Variants in THSD7B observed in about 807,000 individuals in gnomAD.
The protein encoded by THSD7B is thrombospondin type-1 domain-containing protein 7B.
Under a neutral mutation model 213.6 loss-of-function variants are expected in THSD7B, and 138 were observed. The ratio of observed to expected loss-of-function variants is 0.65; its 90% CI spans 0.56 to 0.74. The LOEUF is 0.74. Ranked by LOEUF, THSD7B falls within the 30% of genes least tolerant of loss-of-function variation. THSD7B has a pLI of 0.00. For missense variants in THSD7B, 1,931 were observed against 1,991.5 expected, an observed-to-expected ratio of 0.97 and a Z score of 0.58; for synonymous variants, 742 against 687.0, an observed-to-expected ratio of 1.08 and a Z score of -1.25.
At position 137,424,083 on chromosome 2, in the gene THSD7B, A is replaced by G. The variant is rs532396258; in HGVS notation, c.2959+12211A>G. Among the ~76,000 whole-genome samples, 4 of 150,642 alleles carry G rather than the reference A, an allele frequency of 2.7e-5. No homozygotes were observed. In the South Asian group the frequency reaches 8.5e-4, roughly 32 times the overall value. ...GAAGAAAGAATAATCTCTTTAACAA[A>G]TGGTGCTGGAACAACTGAATGTCTA... On this transcript the variant is annotated intron_variant, in intron 14 of 27. Transcript: ENST00000409968.
At chr2:137,671,385 A>T (rs1573779376) in intron 27 of THSD7B, among the ~76,000 whole-genome samples, 1 of 152,156 alleles carries the variant, frequency 6.6e-6, no homozygotes, top group Non-Finnish European at 1.5e-5. Flanking sequence ...AGGGCACTAT[A>T]TTAATCCATT....
intron 3 of THSD7B, among the ~76,000 whole-genome samples, chr2:137,072,747 A>T (rs1488488165): frequency 6.6e-6 from 1 of 152,168 alleles, no homozygotes; most frequent in East Asian, 1.9e-4. Context: ...GGTTTCTCAT[A>T]GATAGCTCTT....
chr2:137,285,619 C>G (rs1456857915), intron 12 of THSD7B, among the ~76,000 whole-genome samples: 1 of 147,982 alleles, frequency 6.8e-6, no homozygotes, highest in Non-Finnish European at 1.5e-5. Context: ...AATTAGAAAT[C>G]GGAACAAGTT....
chr2:137,238,564 T>TCC (rs1553481982), intron 9 of THSD7B, among the ~76,000 whole-genome samples: 13 of 83,408 alleles, frequency 1.6e-4, no homozygotes, highest in Admixed American at 6.9e-4. Context: ...TTTTTTTTTT[T>TCC]GAGACGGAGT....
intron 2 of THSD7B, among the ~76,000 whole-genome samples, chr2:136,986,243 A>T (rs988592075): frequency 6.6e-6 from 1 of 152,206 alleles, no homozygotes; most frequent in Admixed American, 6.5e-5. Flanking sequence ...TGAGAAGGAC[A>T]TTAGATTTGG....
chr2:137,462,395 G>T (rs981532871), intron 15 of THSD7B, among the ~76,000 whole-genome samples: 18 of 152,038 alleles, frequency 1.2e-4, no homozygotes, highest in African/African-American at 4.1e-4. Context: ...GAAGACACTT[G>T]CTGTGTGGGC....
chr2:137,362,952 C>T (rs1456358391), intron 12 of THSD7B, among the ~76,000 whole-genome samples: 3 of 152,180 alleles, frequency 2.0e-5, no homozygotes, highest in Non-Finnish European at 4.4e-5. Flanking sequence ...AGCACCACAT[C>T]TCACTTATTC....
chr2:137,380,989 G>A (rs957940880), intron 12 of THSD7B, among the ~76,000 whole-genome samples: 3 of 152,234 alleles, frequency 2.0e-5, no homozygotes, highest in Non-Finnish European at 4.4e-5. Flanking sequence ...CAGAGAGAGA[G>A]TAAAACCATG....
rs1440029892 is a variant in THSD7B at position 136,868,118 on chromosome 2, G to GCACA, written c.-35-14025_-35-14024insACAC. On this transcript the variant is annotated intron_variant, in intron 1 of 27. Transcript: ENST00000409968. ...CACCACACCACACACACACACGCGC[G>GCACA]CGCACACACACACACACACACACAT... Among the ~76,000 whole-genome samples, 57 of 137,994 alleles carry GCACA rather than the reference G, an allele frequency of 4.1e-4. No individual in the cohort carries two copies. The South Asian group carries it at 4.2e-3, about 10-fold the overall frequency. 90.5% of individuals were successfully genotyped at this position (137,994 alleles called of 152,430 possible).
chr2:137,343,483 A>G (rs1684807013), intron 12 of THSD7B, among the ~76,000 whole-genome samples: 1 of 151,702 alleles, frequency 6.6e-6, no homozygotes, highest in African/African-American at 2.4e-5. Context: ...GTCTGAGAGG[A>G]TAATTGTTTC....
At chr2:136,854,211 TAC>T (rs140785620) in intron 1 of THSD7B, among the ~76,000 whole-genome samples, 1 of 152,054 alleles carries the variant, frequency 6.6e-6, no homozygotes, top group African/African-American at 2.4e-5. Flanking sequence ...GACACATACT[TAC>T]ACACACACAC....
At chr2:137,138,429 G>T (rs1018341574) in intron 5 of THSD7B, among the ~76,000 whole-genome samples, 1 of 151,978 alleles carries the variant, frequency 6.6e-6, no homozygotes. Flanking sequence ...TGGCTATTTG[G>T]GTGGGTGTAT....
At chr2:136,824,191 C>T (rs187041918) in intron 1 of THSD7B, among the ~76,000 whole-genome samples, 369 of 152,192 alleles carry the variant, frequency 2.4e-3, no homozygotes, top group Admixed American at 6.7e-3. Context: ...TGCTTTGTCA[C>T]TTCTCTGCTT....
At chr2:136,767,484 G>GTGT (rs1558798575) in intron 1 of THSD7B, among the ~76,000 whole-genome samples, 7 of 129,554 alleles carry the variant, frequency 5.4e-5, no homozygotes, top group African/African-American at 1.7e-4. Context: ...TGTGTGTTGT[G>GTGT]TGTATTTGTG....
At chr2:136,768,711 G>A (rs903602725) in intron 1 of THSD7B, among the ~76,000 whole-genome samples, 7 of 152,170 alleles carry the variant, frequency 4.6e-5, no homozygotes, top group African/African-American at 1.7e-4. Context: ...ATTGGGTATT[G>A]TATTATCAAA....
chr2:137,586,356 G>A (rs1218725004), intron 17 of THSD7B, among the ~76,000 whole-genome samples: 1 of 152,180 alleles, frequency 6.6e-6, no homozygotes, highest in East Asian at 1.9e-4. Context: ...GTATTGTTAT[G>A]TGTGAATTTG....
intron 2 of THSD7B, among the ~76,000 whole-genome samples, chr2:136,904,785 G>C (rs547766428): frequency 4.8e-5 from 7 of 145,946 alleles, no homozygotes; most frequent in South Asian, 4.5e-4. Context: ...GTTGGATAAA[G>C]AAGACAGAGA....
chr2:137,213,146 T>C (rs1261649163), intron 7 of THSD7B, among the ~76,000 whole-genome samples: 1 of 151,448 alleles, frequency 6.6e-6, no homozygotes, highest in Non-Finnish European at 1.5e-5. Flanking sequence ...TATTAATATA[T>C]TGGGAGCACA....
chr2:137,078,047 T>C (rs1008472055), intron 3 of THSD7B, among the ~76,000 whole-genome samples: 3 of 152,226 alleles, frequency 2.0e-5, no homozygotes, highest in African/African-American at 7.2e-5. Flanking sequence ...TACATTTGGC[T>C]AGCCAGTTTT....
Sources: allele counts gnomAD v4.1 joint callset (sites outside exome capture counted in the v4.1 genomes callset), GRCh38; gene constraint gnomAD v4.1.1; transcripts MANE v1.5; gene names NCBI Gene and HGNC (gene_info 2026-07-23, HGNC 2026-07-21).